Variants in MKLN1 observed in about 807,000 individuals in gnomAD.
MKLN1 encodes the protein muskelin 1, also known as muskelin.
A neutral mutation model predicts 99.0 loss-of-function variants in MKLN1; 18 were observed. The ratio of observed to expected loss-of-function variants is 0.18; its 90% CI spans 0.13 to 0.27. The LOEUF (loss-of-function observed/expected upper bound fraction) is 0.27. Ranked by LOEUF, MKLN1 falls within the 10% of genes least tolerant of loss-of-function variation. The probability of loss-of-function intolerance (pLI) is 1.00; values close to 1 mark genes in which losing one functional copy is unlikely to be tolerated. For missense variants in MKLN1, 621 were observed against 875.9 expected (o/e 0.71, Z 3.67); for synonymous variants, 288 against 293.2 (o/e 0.98, Z 0.18).
intron 1 of MKLN1, among the ~76,000 whole-genome samples, chr7:131,133,798 C>CT (rs35694478): frequency 0.42 from 28,866 of 69,000 alleles, 7,110 homozygotes; most frequent in Non-Finnish European, 0.55. Flanking sequence ...AGGTTGACTT[C>CT]TTTTTTTTTT....
intron 3 of MKLN1, among the ~76,000 whole-genome samples, chr7:131,231,196 A>G (rs1367139915): frequency 6.6e-6 from 1 of 150,506 alleles, no homozygotes; most frequent in East Asian, 1.9e-4. Context: ...TAAACATTTA[A>G]CTACAGGATT....
chr7:131,478,598 T>C (rs80116424), intron 16 of MKLN1, 25 bp from the exon 17 acceptor site: 950 of 1,308,042 alleles, frequency 7.3e-4, no homozygotes, highest in Non-Finnish European at 8.9e-4. Flanking sequence ...GCTGCTTCTT[T>C]TTTTTTTTTT....
chr7:131,436,040 C>T lies in MKLN1; in HGVS notation c.961-1745C>T, dbSNP rs922188588. Among the ~76,000 whole-genome samples the T allele has an allele frequency of 5.9e-5, 9 of 151,916 alleles. 1 individual carries two copies. Among genetic ancestry groups the T allele is most frequent in the African/African-American group, 1.5e-4 (6 of 41,352 alleles). ...GGCATAGATTTATTATATGTTACTC[C>T]GTCTTTGTTTTTGAGATTATTTATG... On this transcript the variant is annotated intron_variant, in intron 9 of 17. Coordinates refer to ENST00000352689, the MANE Select transcript of MKLN1 (RefSeq NM_013255.5).
intron 16 of MKLN1, among the ~76,000 whole-genome samples, chr7:131,476,051 A>G (rs1713120433): frequency 6.6e-6 from 1 of 152,160 alleles, no homozygotes; most frequent in South Asian, 2.1e-4. Context: ...GAAGGAGGAA[A>G]ACCATAGATC....
intron 2 of MKLN1, among the ~76,000 whole-genome samples, chr7:131,186,765 T>C (rs1209928742): frequency 2.0e-5 from 3 of 152,216 alleles, no homozygotes; most frequent in Non-Finnish European, 2.9e-5. Flanking sequence ...GCCTGGCCCA[T>C]AGTAAGTGTC....
intron 3 of MKLN1, among the ~76,000 whole-genome samples, chr7:131,212,037 C>T (rs1796913546): frequency 6.6e-6 from 1 of 152,162 alleles, no homozygotes; most frequent in African/African-American, 2.4e-5. Context: ...TATCATTATT[C>T]CCAAGCAGGC....
chr7:131,466,904 T>TACACACAC (rs907079191), intron 15 of MKLN1, among the ~76,000 whole-genome samples: 41 of 150,786 alleles, frequency 2.7e-4, no homozygotes, highest in African/African-American at 9.5e-4. Flanking sequence ...TATATACATA[T>TACACACAC]ACACACACAC....
intron 1 of MKLN1, among the ~76,000 whole-genome samples, chr7:131,132,666 T>C (rs1182326625): frequency 2.0e-5 from 3 of 152,002 alleles, no homozygotes; most frequent in Non-Finnish European, 4.4e-5. Flanking sequence ...GGCTCACACC[T>C]GTAATCCAGC....
chr7:131,385,030 G>A (rs1235197899), intron 2 of MKLN1, among the ~76,000 whole-genome samples: 1 of 152,144 alleles, frequency 6.6e-6, no homozygotes, highest in Non-Finnish European at 1.5e-5. Context: ...ACCCAGTAAG[G>A]AGTATCTCCT....
At position 131,327,935 on chromosome 7, in the gene MKLN1, G is replaced by A. The variant is rs745525627; in HGVS notation, c.36G>A (p.Glu12=). 9.3e-6 allele frequency: 15 copies of A among 1,613,384 alleles called. No homozygotes were observed. Among genetic ancestry groups the A allele is most frequent in the South Asian group, 7.7e-5 (7 of 91,092 alleles). The change falls in exon 1 of 18, where the codon GAG becomes GAA. Residue 12 remains glutamate, a synonymous_variant. Transcript: ENST00000352689. ...GCGGAGCTGTCGCTGCGGCGCCCGA[G>A]TGCCGGCTTCTCCCCTACGCGCTAC... is the stretch of plus-strand genomic sequence containing the variant. ...AAGGAVAAAP[E]CRLLPYALHK...
At chr7:131,394,958 A>G (rs1419026914) in intron 4 of MKLN1, among the ~76,000 whole-genome samples, 15 of 152,080 alleles carry the variant, frequency 9.9e-5, no homozygotes. Context: ...TCACTGAATT[A>G]CACAGATCTC....
At position 131,337,142 on chromosome 7, in the gene MKLN1, T is replaced by G. The variant is rs116261658; in HGVS notation, c.98+9145T>G. Among the ~76,000 whole-genome samples the G allele has an allele frequency of 7.7e-3, 1,170 of 152,276 alleles. 18 individuals are homozygous for G. Among genetic ancestry groups the G allele is most frequent in the African/African-American group, 0.027 (1,106 of 41,556 alleles). ...GACTTTCTTGTTCAGCTGCCTTTCTTTTTGTCATTCTCTTTTTCTTTAAGT... is the reference window on the plus strand; with the variant it reads ...GACTTTCTTGTTCAGCTGCCTTTCTGTTTGTCATTCTCTTTTTCTTTAAGT... On this transcript the variant is annotated intron_variant, in intron 1 of 17. Transcript: ENST00000352689.
intron 1 of MKLN1, among the ~76,000 whole-genome samples, chr7:131,113,900 C>T (rs541657857): frequency 6.6e-6 from 1 of 152,186 alleles, no homozygotes; most frequent in Admixed American, 6.5e-5. Context: ...CTTTTAAAAC[C>T]GTCAGATCTC....
rs1374794641 is a variant in MKLN1, at chr7:131,375,428, A to G, written c.103A>G (p.Ile35Val). 6.8e-6 allele frequency: 11 copies of G among 1,607,566 alleles called. No homozygotes were observed. The highest frequency in any genetic ancestry group is 1.3e-5 in the African/African-American group (1 of 74,776). The change falls in exon 2 of 18, where the codon ATT becomes GTT. Residue 35 changes from isoleucine to valine, a missense_variant. Around this residue, in one of 8 missense-constraint regions of MKLN1, gnomAD observed 6 missense variants for 23.3 expected, o/e 0.26. Transcript: ENST00000352689. ...SFSSTYLPEN[I>V]LVDKPNDQSS... is the part of the protein sequence containing the mutation. ...TTAATACTTTCTTTATTCCAGGAAC[A>G]TTTTAGTGGACAAACCAAATGACCA...
chr7:131,456,919 G>A lies in MKLN1; in HGVS notation c.1526-6298G>A, dbSNP rs938963062. 4.6e-5 allele frequency among the ~76,000 whole-genome samples: 7 copies of A among 151,370 alleles called. No homozygotes were observed. The East Asian group carries it at 1.4e-3, about 29-fold the overall frequency. On this transcript the variant is annotated intron_variant, in intron 12 of 17. Transcript: ENST00000352689. ...CATACTGATATAACTAGACAGTTGA[G>A]GACTACAACTGTCTCAAAAAAAAAA...
At chr7:131,131,051 CAAAAAAAA>C (rs35397071) in intron 1 of MKLN1, among the ~76,000 whole-genome samples, 1 of 65,326 alleles carries the variant, frequency 1.5e-5, no homozygotes, top group Non-Finnish European at 2.7e-5. Flanking sequence ...GACCCTGTCT[CAAAAAAAA>C]AAAAAAAAAA....
chr7:131,322,900 C>G (rs1262249496), upstream of MKLN1, among the ~76,000 whole-genome samples: 1 of 152,176 alleles, frequency 6.6e-6, no homozygotes, highest in African/African-American at 2.4e-5. Flanking sequence ...CATCACATCT[C>G]GTAAGAACTC....
intron 3 of MKLN1, among the ~76,000 whole-genome samples, chr7:131,224,325 C>A (rs1043396090): frequency 3.3e-4 from 28 of 85,896 alleles, no homozygotes; most frequent in African/African-American, 8.8e-4. Flanking sequence ...GTGGGCAGAT[C>A]CCCTTAGGTC....
intron 3 of MKLN1, among the ~76,000 whole-genome samples, chr7:131,275,567 A>ATATT (rs1336398554): frequency 1.8e-4 from 1 of 5,616 alleles, no homozygotes; most frequent in African/African-American, 4.0e-4. Context: ...ATATATATAT[A>ATATT]TTTTTTTTTT....
Sources: gnomAD v4.1 joint callset for allele counts (sites outside exome capture counted in the v4.1 genomes callset) on GRCh38, gnomAD v4.1.1 for gene constraint, gnomAD v4.1.1 regional missense constraint, MANE v1.5 for transcripts, NCBI Gene and HGNC (gene_info 2026-07-23, HGNC 2026-07-21) for gene names.